Variants in FGF14 observed in about 807,000 individuals in gnomAD.
FGF14 encodes the protein fibroblast growth factor 14.
Under a neutral mutation model 25.5 loss-of-function variants are expected in FGF14, and 5 were observed. The ratio of observed to expected loss-of-function variants is 0.20; its 90% CI spans 0.10 to 0.41. The LOEUF is 0.41. FGF14 is among the 10% of genes least tolerant of loss of function. The probability of loss-of-function intolerance (pLI) is 1.00; values close to 1 mark genes in which losing one functional copy is unlikely to be tolerated. For missense variants in FGF14, 222 were observed against 320.1 expected, an observed-to-expected ratio of 0.69 and a Z score of 2.34; for synonymous variants, 138 against 118.3, an observed-to-expected ratio of 1.17 and a Z score of -1.08.
intron 1 of FGF14, among the ~76,000 whole-genome samples, chr13:102,237,657 T>C (rs2051395191): frequency 6.6e-6 from 1 of 152,210 alleles, no homozygotes; most frequent in African/African-American, 2.4e-5. Flanking sequence ...CCAGAATTTT[T>C]AAGTCATCTA....
intron 1 of FGF14, among the ~76,000 whole-genome samples, chr13:102,039,929 A>G (rs2041651154): frequency 6.6e-6 from 1 of 152,052 alleles, no homozygotes; most frequent in Non-Finnish European, 1.5e-5. Flanking sequence ...TGCAGCCTAA[A>G]AGCTGCCATT....
chr13:102,071,730 C>A (rs1325597574), intron 1 of FGF14, among the ~76,000 whole-genome samples: 2 of 152,064 alleles, frequency 1.3e-5, no homozygotes, highest in Non-Finnish European at 2.9e-5. Flanking sequence ...CTCTTCATTT[C>A]TCCATAGGAG....
At chr13:101,767,139 T>C (rs1283632844) in intron 3 of FGF14, among the ~76,000 whole-genome samples, 1 of 152,112 alleles carries the variant, frequency 6.6e-6, no homozygotes, top group African/African-American at 2.4e-5. Context: ...ATATCACATA[T>C]CTTTTTGTTC....
chr13:101,935,024 T>C (rs940102286), intron 1 of FGF14, among the ~76,000 whole-genome samples: 3 of 152,214 alleles, frequency 2.0e-5, no homozygotes, highest in African/African-American at 7.2e-5. Flanking sequence ...ATAACTTGTT[T>C]TAGGCTCACT....
intron 1 of FGF14, among the ~76,000 whole-genome samples, chr13:102,037,625 T>G (rs2041538684): frequency 6.6e-6 from 1 of 152,168 alleles, no homozygotes; most frequent in Non-Finnish European, 1.5e-5. Flanking sequence ...CTACTAACAC[T>G]AAATAAATAC....
Position 102,212,132 on chromosome 13 carries a change from C to T in FGF14, c.208+189339G>A, listed in dbSNP as rs534676861. Among the ~76,000 whole-genome samples the T allele has an allele frequency of 2.6e-4, 40 of 152,244 alleles. No individual in the cohort carries two copies. The East Asian group carries it at 7.1e-3, about 27-fold the overall frequency. On this transcript the variant is annotated intron_variant, in intron 1 of 4. Coordinates refer to the FGF14 transcript ENST00000376131. ...CAACCAGTTCCACAACTGGTCTGCCCAAATAGGTGATCTTTGTGCATCTTA... is the reference window on the plus strand; with the variant it reads ...CAACCAGTTCCACAACTGGTCTGCCTAAATAGGTGATCTTTGTGCATCTTA...
intron 1 of FGF14, among the ~76,000 whole-genome samples, chr13:102,091,443 C>G (rs1306327520): frequency 7.1e-6 from 1 of 140,194 alleles, no homozygotes; most frequent in Non-Finnish European, 1.6e-5. Flanking sequence ...GAGCATCACT[C>G]TACGATGCTT....
intron 3 of FGF14, among the ~76,000 whole-genome samples, chr13:101,850,506 A>G (rs1171355510): frequency 9.1e-4 from 3 of 3,298 alleles, no homozygotes; most frequent in South Asian, 0.011. Context: ...ATATATATAT[A>G]TATATATAGA....
chr13:101,867,097 T>G (rs1341346311), intron 3 of FGF14, among the ~76,000 whole-genome samples: 1 of 152,152 alleles, frequency 6.6e-6, no homozygotes, highest in African/African-American at 2.4e-5. Context: ...CAAATGCTAT[T>G]GCACGCAGTG....
intron 3 of FGF14, among the ~76,000 whole-genome samples, chr13:101,743,305 A>T (rs1017767563): frequency 9.2e-5 from 14 of 152,234 alleles, no homozygotes; most frequent in Non-Finnish European, 2.1e-4. Context: ...TGTCTGGCAG[A>T]ATTCATATAA....
chr13:102,232,181 A>G (rs2051114612), intron 1 of FGF14, among the ~76,000 whole-genome samples: 2 of 152,262 alleles, frequency 1.3e-5, no homozygotes, highest in African/African-American at 4.8e-5. Flanking sequence ...ACATTGAACA[A>G]ACCTAACTAC....
At chr13:101,862,327 T>C (rs930954353) in intron 3 of FGF14, among the ~76,000 whole-genome samples, 1 of 152,092 alleles carries the variant, frequency 6.6e-6, no homozygotes, top group African/African-American at 2.4e-5. Flanking sequence ...GCTGTTCTAT[T>C]ATCTTCTTTC....
chr13:101,992,478 C>G (rs1000724666), intron 1 of FGF14, among the ~76,000 whole-genome samples: 2 of 151,984 alleles, frequency 1.3e-5, no homozygotes, highest in African/African-American at 4.8e-5. Context: ...ATTATCCAAG[C>G]AAGAATCAGG....
chr13:102,125,396 G>A (rs138386726), intron 1 of FGF14, among the ~76,000 whole-genome samples: 2 of 152,256 alleles, frequency 1.3e-5, no homozygotes, highest in East Asian at 3.9e-4. Context: ...GATAACCATT[G>A]TTAACATTCT....
At chr13:102,036,819 G>C (rs2139972565) in intron 1 of FGF14, among the ~76,000 whole-genome samples, 1 of 152,186 alleles carries the variant, frequency 6.6e-6, no homozygotes, top group Non-Finnish European at 1.5e-5. Flanking sequence ...ACAGATTTGA[G>C]AGCAATGAAG....
intron 1 of FGF14, among the ~76,000 whole-genome samples, chr13:102,020,510 G>A (rs1215706082): frequency 6.6e-6 from 1 of 152,002 alleles, no homozygotes; most frequent in African/African-American, 2.4e-5. Flanking sequence ...ATCACGCATT[G>A]CACTCCAGTC....
At chr13:102,014,238 TA>T (rs995566673) in intron 1 of FGF14, among the ~76,000 whole-genome samples, 11 of 150,522 alleles carry the variant, frequency 7.3e-5, no homozygotes, top group East Asian at 2.0e-4. Flanking sequence ...ATAATAAAAT[TA>T]AAAAAAAAGA....
intron 3 of FGF14, among the ~76,000 whole-genome samples, chr13:101,822,414 T>C (rs2042197930): frequency 6.6e-6 from 1 of 152,104 alleles, no homozygotes; most frequent in South Asian, 2.1e-4. Context: ...TGAGATCTGT[T>C]AGTGTGAGTA....
At position 101,794,247 on chromosome 13, in the gene FGF14, G is replaced by GCT. The variant is rs149290256; in HGVS notation, c.409-67439_409-67438dup. ...ACTGAGGCTCTCTGTAAGCATCTGT[G>GCT]CTCTCTCTCAGTCTCTAGTCATTCC... On this transcript the variant is annotated intron_variant, in intron 3 of 4. Transcript: ENST00000376143. Among the ~76,000 whole-genome samples, 4 of 151,986 alleles carry GCT rather than the reference G, an allele frequency of 2.6e-5. No homozygotes were observed. The East Asian group carries it at 7.7e-4, about 29-fold the overall frequency.
Sources: gnomAD v4.1 joint callset for allele counts (sites outside exome capture counted in the v4.1 genomes callset) on GRCh38, gnomAD v4.1.1 for gene constraint, MANE v1.5 for transcripts, NCBI Gene and HGNC (gene_info 2026-07-23, HGNC 2026-07-21) for gene names.